The following SMTN variants were observed in gnomAD, a reference collection of about 807,000 sequenced individuals.
SMTN encodes the protein smoothelin.
SMTN carries 58 observed loss-of-function variants against 102.0 expected under a neutral mutation model. The observed-to-expected ratio is 0.57, with a 90% CI of 0.46 to 0.71. SMTN has a LOEUF of 0.71. SMTN is among the 30% of genes least tolerant of loss of function. SMTN has a pLI of 0.00. For synonymous variants in SMTN, 478 were observed against 497.9 expected, an observed-to-expected ratio of 0.96 and a Z score of 0.53; for missense variants, 1,185 against 1,241.7, an observed-to-expected ratio of 0.95 and a Z score of 0.69.
At chr22:31,070,686 G>A (rs189720419) in intron 1 of SMTN, among the ~76,000 whole-genome samples, 2 of 152,076 alleles carry the variant, frequency 1.3e-5, no homozygotes, top group African/African-American at 2.4e-5. Context: ...CACTTTGGGA[G>A]GCCCAGGTGG....
chr22:31,070,911 G>A (rs111560092), intron 1 of SMTN, among the ~76,000 whole-genome samples: 68 of 120,924 alleles, frequency 5.6e-4, no homozygotes, highest in Admixed American at 1.9e-4. Flanking sequence ...GTGACAGAGT[G>A]AAACTCTGTC....
chr22:31,090,401 G>T (rs988878008), intron 8 of SMTN, among the ~76,000 whole-genome samples: 5 of 151,730 alleles, frequency 3.3e-5, no homozygotes, highest in African/African-American at 1.2e-4. Context: ...GCCTTGAAAG[G>T]CAACGGGCCT....
intron 2 of SMTN, among the ~76,000 whole-genome samples, chr22:31,087,565 C>G (rs1021668671): frequency 1.3e-5 from 2 of 152,204 alleles, no homozygotes; most frequent in Non-Finnish European, 2.9e-5. Context: ...TCATCTGTCA[C>G]CTTTCCCTCT....
intron 1 of SMTN, among the ~76,000 whole-genome samples, chr22:31,074,808 A>AAC (rs1569232456): frequency 3.1e-5 from 3 of 97,002 alleles, no homozygotes; most frequent in African/African-American, 1.8e-4. Flanking sequence ...AAAACAACAA[A>AAC]AACAACAACA....
chr22:31,077,691 C>T (rs1440843411), upstream of SMTN, among the ~76,000 whole-genome samples: 1 of 152,184 alleles, frequency 6.6e-6, no homozygotes, highest in African/African-American at 2.4e-5. Context: ...AGCCCCTTGC[C>T]TCTCCTTTGT....
Position 31,097,310 on chromosome 22 carries a change from T to A in SMTN, c.2131T>A (p.Ser711Thr). The A allele has an allele frequency of 6.2e-7, 1 of 1,614,134 alleles. No individual in the cohort carries two copies. Among genetic ancestry groups the A allele is most frequent in the Non-Finnish European group, 8.5e-7 (1 of 1,180,024 alleles). Residue 711 changes from serine (S) to threonine (T), a missense_variant, in exon 16 of 21, where the codon TCT (serine) becomes ACT (threonine). Transcript: ENST00000333137. ...STMMQTKTFS[S>T]SSSSKKMGSI... ...CATGATGCAAACCAAGACCTTCTCC[T>A]CTTCCTCCTCATCCAAGAAGATGGG...
Position 31,091,030 on chromosome 22 carries a change from A to G in SMTN, c.1007A>G (p.Lys336Arg). 6.2e-7 allele frequency: 1 copy of G among 1,613,918 alleles called. No homozygotes were observed. Among genetic ancestry groups the G allele is most frequent in the South Asian group, 1.1e-5 (1 of 91,076 alleles). ...RAGSVRDRVHKFTSDSPMAAR... is the reference protein window; with the variant it reads ...RAGSVRDRVHRFTSDSPMAAR... The stretch of plus-strand genomic sequence containing the variant: ...GGCTCTGTGCGGGATCGTGTCCACA[A>G]GTTCACATCTGATTCTCCTATGGCT... The change falls in exon 10 of 21, where the codon AAG becomes AGG. Residue 336 changes from lysine to arginine, a missense_variant. By Grantham distance (26) the Lys-to-Arg change is conservative. Around this residue, in one of 2 missense-constraint regions of SMTN, gnomAD observed 1,096 missense variants for 1,112.7 expected, o/e 0.98. Coordinates refer to ENST00000333137, the MANE Select transcript of SMTN (RefSeq NM_134269.3).
chr22:31,084,956 A>G, intron 2 of SMTN: 2 of 1,400,338 alleles, frequency 1.4e-6, no homozygotes, highest in Non-Finnish European at 1.9e-6. Context: ...GCCGGGCCAT[A>G]TAAGGAAAAG....
At chr22:31,098,866 G>T in intron 17 of SMTN, 26 bp downstream of exon 17, 1 of 1,552,822 alleles carries the variant, frequency 6.4e-7, no homozygotes, top group Admixed American at 1.8e-5. Context: ...GGGCTGGGCA[G>T]TGGGGGGCGG....
At chr22:31,077,356 G>A (rs1651003063), upstream of SMTN, among the ~76,000 whole-genome samples, 1 of 151,564 alleles carries the variant, frequency 6.6e-6, no homozygotes, top group South Asian at 2.1e-4. Flanking sequence ...CTCCAGCCTG[G>A]GCGACAGAGT....
At position 31,095,293 on chromosome 22, in the gene SMTN, C is replaced by G. The variant is rs201845943; in HGVS notation, c.1633-10C>G. The G allele has an allele frequency of 6.2e-7, 1 of 1,613,078 alleles. No homozygotes were observed. The highest frequency in any genetic ancestry group is 8.5e-7 in the Non-Finnish European group (1 of 1,179,888). ...CTGCTTAAAGTCCATGCCCTCTCCC[C>G]ACCCTGCAGATGGAAGCAGAGCCAG... On this transcript the variant is annotated splice_polypyrimidine_tract_variant and intron_variant, in intron 11 of 20. Transcript: ENST00000333137. This position sits in a 1 kb window ranked among gnomAD's most constrained non-coding sequence, Gnocchi z 4.1.
chr22:31,076,629 G>A (rs2042136598), upstream of SMTN, among the ~76,000 whole-genome samples: 2 of 152,204 alleles, frequency 1.3e-5, no homozygotes, highest in South Asian at 2.1e-4. Context: ...GCCCTGAGGA[G>A]GAAACAAAGT....
At position 31,071,955 on chromosome 22, in the gene SMTN, C is replaced by A. The variant is rs538545924; in HGVS notation, c.-386+7768C>A. On this transcript the variant is annotated intron_variant, in intron 1 of 3. Coordinates refer to the SMTN transcript ENST00000422839. The stretch of plus-strand genomic sequence containing the variant: ...AAGCGATCCTCCCACCTCAGCCCCC[C>A]AAAGTGCTGGGATTACAGGCATAAG... 7.9e-5 allele frequency among the ~76,000 whole-genome samples: 12 copies of A among 152,256 alleles called. No individual in the cohort carries two copies. In the East Asian group the frequency reaches 2.1e-3, roughly 27 times the overall value.
chr22:31,077,460 C>T (rs10427701), upstream of SMTN, among the ~76,000 whole-genome samples: 22,625 of 151,896 alleles, frequency 0.15, 1,780 homozygotes, highest in Middle Eastern at 0.18. Flanking sequence ...AATGGTGGTC[C>T]TACCTCACAG....
chr22:31,073,214 C>T (rs1046218037), intron 1 of SMTN, among the ~76,000 whole-genome samples: 1 of 148,068 alleles, frequency 6.8e-6, no homozygotes, highest in Non-Finnish European at 1.5e-5. Flanking sequence ...CACACATGCC[C>T]CTCCAACTCC....
intron 4 of SMTN, 43 bp from the exon 5 acceptor site, chr22:31,088,656 G>A (rs2042885920): frequency 6.2e-7 from 1 of 1,612,582 alleles, no homozygotes; most frequent in Non-Finnish European, 8.5e-7. Context: ...GTGAAGACCT[G>A]GACTCCACAG....
chr22:31,097,154 C>A, intron 15 of SMTN, 94 bp downstream of exon 15: 1 of 1,492,798 alleles, frequency 6.7e-7, no homozygotes. Flanking sequence ...TTCAACTGTG[C>A]CGTCACTTTC....
rs773586513 is a variant in SMTN at position 31,091,489 on chromosome 22, G to A, written c.1459+7G>A. The A allele has an allele frequency of 2.6e-5, 40 of 1,517,344 alleles. No homozygotes were observed. The East Asian group carries it at 3.9e-4, about 15-fold the overall frequency. The allele number at this position is 1,517,344 out of a possible 1,614,324, so 94.0% of individuals were successfully genotyped here. Reference sequence around the variant, plus strand: ...ACAGGCAACCAGAGGGCAGGTAGGCGCCCCCCACTGCCTCCCCAATGGGGA... The same window carrying A: ...ACAGGCAACCAGAGGGCAGGTAGGCACCCCCCACTGCCTCCCCAATGGGGA... On this transcript the variant is annotated splice_region_variant and intron_variant, in intron 10 of 20. Coordinates refer to ENST00000333137, the MANE Select transcript of SMTN (RefSeq NM_134269.3).
Position 31,091,838 on chromosome 22 carries a change from C to T in SMTN, c.1623C>T (p.Cys541=), listed in dbSNP as rs748248168. 16 of 1,588,986 alleles carry T rather than the reference C, an allele frequency of 1.0e-5. No homozygotes were observed. The South Asian group carries it at 1.7e-4, about 17-fold the overall frequency. Residue 541 remains cysteine (C), a synonymous_variant, in exon 11 of 21, where the codon TGC becomes TGT. Coordinates refer to ENST00000333137, the MANE Select transcript of SMTN (RefSeq NM_134269.3). ...SHAPPSSRGG[C]SIKMEAEPAE... ...CCCCCCCCAGTAGCCGAGGAGGCTG[C>T]AGCATCAAGGTGAGCCCCTCCTCAC...
Sources: gnomAD v4.1 joint callset for allele counts (sites outside exome capture counted in the v4.1 genomes callset) on GRCh38, gnomAD v4.1.1 for gene constraint, gnomAD v4.1.1 regional missense constraint, Gnocchi (gnomAD v3.1) non-coding constraint, MANE v1.5 for transcripts, NCBI Gene and HGNC (gene_info 2026-07-23, HGNC 2026-07-21) for gene names.